KCNMB2: variants seen among roughly 807,000 people sequenced by gnomAD.
The protein encoded by KCNMB2 is potassium calcium-activated channel subfamily M regulatory beta subunit 2, also known as calcium-activated potassium channel subunit beta-2.
In KCNMB2, 9 loss-of-function variants were observed where a neutral mutation model predicts 24.5. That is an observed-to-expected ratio of 0.37 (90% CI 0.22 to 0.64). The LOEUF is 0.64. KCNMB2 is among the 30% of genes least tolerant of loss of function. The pLI is 0.63. For synonymous variants in KCNMB2, 109 were observed against 104.4 expected, an observed-to-expected ratio of 1.04 and a Z score of -0.27; for missense variants, 226 against 284.3, an observed-to-expected ratio of 0.79 and a Z score of 1.47.
intron 1 of KCNMB2, among the ~76,000 whole-genome samples, chr3:178,543,278 T>C (rs903952541): frequency 6.6e-6 from 1 of 152,208 alleles, no homozygotes; most frequent in South Asian, 2.1e-4. Flanking sequence ...AGAAAATGTC[T>C]GCCTCTCTGA....
intron 2 of KCNMB2, among the ~76,000 whole-genome samples, chr3:178,811,578 T>C (rs1338038510): frequency 1.3e-5 from 2 of 152,236 alleles, no homozygotes; most frequent in East Asian, 3.8e-4. Flanking sequence ...AGTCTCCCAC[T>C]ACATGAACAT....
chr3:178,635,083 GGCAGCACCGCAGAC>G (rs1719469203), intron 1 of KCNMB2, among the ~76,000 whole-genome samples: 2 of 152,104 alleles, frequency 1.3e-5, no homozygotes, highest in South Asian at 4.1e-4. Context: ...CATAGCAGGG[GGCAGCACCGCAGAC>G]AAGGTAGTGC....
At chr3:178,696,753 T>G (rs1721892407) in intron 1 of KCNMB2, among the ~76,000 whole-genome samples, 1 of 152,212 alleles carries the variant, frequency 6.6e-6, no homozygotes, top group Non-Finnish European at 1.5e-5. Context: ...TAAATTTCCC[T>G]TTTAACATCA....
intron 4 of KCNMB2, among the ~76,000 whole-genome samples, chr3:178,829,344 A>G (rs1378642455): frequency 6.6e-6 from 1 of 151,374 alleles, no homozygotes; most frequent in African/African-American, 2.5e-5. Context: ...ATAGTTATTG[A>G]AAAAAATGCA....
chr3:178,547,704 C>G (rs1715819808), intron 1 of KCNMB2, among the ~76,000 whole-genome samples: 1 of 152,110 alleles, frequency 6.6e-6, no homozygotes, highest in Admixed American at 6.5e-5. Context: ...TTTATCTTCT[C>G]TTACACTTTA....
intron 1 of KCNMB2, among the ~76,000 whole-genome samples, chr3:178,618,835 A>C (rs971240293): frequency 6.6e-6 from 1 of 152,202 alleles, no homozygotes; most frequent in Non-Finnish European, 1.5e-5. Flanking sequence ...GGAAAGATAC[A>C]TTTTATGGTG....
In KCNMB2 at chr3:178,778,306, C is replaced by A. The variant is rs564608996; in HGVS notation, c.-67-29037C>A. On this transcript the variant is annotated intron_variant, in intron 1 of 4. Coordinates refer to ENST00000452583, the MANE Select transcript of KCNMB2 (RefSeq NM_181361.3). The stretch of plus-strand genomic sequence containing the variant: ...TACTCAGTCGAATTCCTACTATGTA[C>A]CAATAATAATTCTATTTTAAAAATA... Among the ~76,000 whole-genome samples the A allele has an allele frequency of 2.0e-3, 301 of 151,886 alleles. 3 individuals carry two copies. The highest frequency in any genetic ancestry group is 2.9e-3 in the Non-Finnish European group (199 of 68,002).
intron 1 of KCNMB2, among the ~76,000 whole-genome samples, chr3:178,583,183 A>G (rs1717278603): frequency 6.6e-6 from 1 of 152,160 alleles, no homozygotes; most frequent in Non-Finnish European, 1.5e-5. Flanking sequence ...AGATTTGTTA[A>G]TACGTATTAA....
At chr3:178,595,397 A>G (rs1717831499) in intron 1 of KCNMB2, among the ~76,000 whole-genome samples, 1 of 152,048 alleles carries the variant, frequency 6.6e-6, no homozygotes, top group African/African-American at 2.4e-5. Flanking sequence ...CACCTTTCTG[A>G]AAAGCCCGAG....
At chr3:178,830,856 C>G (rs61432821) in intron 4 of KCNMB2, among the ~76,000 whole-genome samples, 11,685 of 152,126 alleles carry the variant, frequency 0.077, 562 homozygotes, top group African/African-American at 0.13. Context: ...TAAATATCTT[C>G]TCGCATTATG....
rs114382414 is a variant in KCNMB2 at position 178,545,942 on chromosome 3, T to C, written c.-68+9231T>C. Among the ~76,000 whole-genome samples the C allele has an allele frequency of 3.0e-3, 450 of 152,290 alleles. 2 individuals are homozygous for C. The highest frequency in any genetic ancestry group is 0.01 in the African/African-American group (421 of 41,568). ...TGATCATTCACTGGTTTAACTTTGC[T>C]TCATGGTGGTTTTATCTGTGTGGTG... is the stretch of plus-strand genomic sequence containing the variant. On this transcript the variant is annotated intron_variant, in intron 1 of 4. Coordinates refer to ENST00000452583, the MANE Select transcript of KCNMB2 (RefSeq NM_181361.3).
At chr3:178,746,341 C>T (rs1190788364) in intron 1 of KCNMB2, among the ~76,000 whole-genome samples, 1 of 152,162 alleles carries the variant, frequency 6.6e-6, no homozygotes, top group Non-Finnish European at 1.5e-5. Context: ...TCAGCCATGG[C>T]TAGAGCAGCT....
At chr3:178,749,892 C>T (rs927488361) in intron 1 of KCNMB2, among the ~76,000 whole-genome samples, 2 of 152,182 alleles carry the variant, frequency 1.3e-5, no homozygotes, top group African/African-American at 4.8e-5. Context: ...TAATTTACCA[C>T]TCAGTATTTT....
chr3:178,580,904 G>T (rs1450716309), intron 1 of KCNMB2, among the ~76,000 whole-genome samples: 5 of 152,158 alleles, frequency 3.3e-5, no homozygotes, highest in Non-Finnish European at 4.4e-5. Flanking sequence ...CATGCTCATG[G>T]ATAGGAAGAA....
intron 1 of KCNMB2, among the ~76,000 whole-genome samples, chr3:178,754,150 G>GTATA (rs755809548): frequency 0.054 from 5,710 of 106,018 alleles, 163 homozygotes; most frequent in Middle Eastern, 0.091. Flanking sequence ...ATATTCCATT[G>GTATA]TATATATATA....
intron 1 of KCNMB2, among the ~76,000 whole-genome samples, chr3:178,654,650 T>A (rs184111461): frequency 1.2e-4 from 18 of 152,320 alleles, no homozygotes; most frequent in African/African-American, 2.6e-4. Context: ...AGACTTTTTT[T>A]AAAAAAGATG....
At chr3:178,774,653 C>A (rs575358785) in intron 1 of KCNMB2, among the ~76,000 whole-genome samples, 33 of 152,288 alleles carry the variant, frequency 2.2e-4, no homozygotes, top group African/African-American at 7.7e-4. Context: ...AGGGCACCCC[C>A]GCTCTGGACT....
At chr3:178,598,607 T>C (rs1028032295) in intron 1 of KCNMB2, among the ~76,000 whole-genome samples, 3 of 151,950 alleles carry the variant, frequency 2.0e-5, no homozygotes, top group African/African-American at 7.3e-5. Flanking sequence ...GGAACCAGCA[T>C]GGAACTGGTG....
At chr3:178,647,844 A>T (rs1386261929) in intron 1 of KCNMB2, among the ~76,000 whole-genome samples, 2 of 152,196 alleles carry the variant, frequency 1.3e-5, no homozygotes, top group African/African-American at 4.8e-5. Flanking sequence ...TCGTAGAACA[A>T]ATATTTGCTA....
Sources: gnomAD v4.1 joint callset for allele counts (sites outside exome capture counted in the v4.1 genomes callset) on GRCh38, gnomAD v4.1.1 for gene constraint, MANE v1.5 for transcripts, NCBI Gene and HGNC (gene_info 2026-07-23, HGNC 2026-07-21) for gene names.